Variants in DNAI4 observed in about 807,000 individuals in gnomAD.
DNAI4 encodes WD repeat domain 78.
DNAI4 carries 85 observed loss-of-function variants against 105.8 expected under a neutral mutation model. The observed-to-expected ratio is 0.80, with a 90% CI of 0.67 to 0.96. The LOEUF (loss-of-function observed/expected upper bound fraction) is 0.96. Ranked by LOEUF, DNAI4 falls within the 40% of genes least tolerant of loss-of-function variation. The pLI is 0.00. For missense variants in DNAI4, 1,014 were observed against 1,005.6 expected (o/e 1.01, Z -0.11); for synonymous variants, 352 against 331.5 (o/e 1.06, Z -0.67).
intron 4 of DNAI4, among the ~76,000 whole-genome samples, chr1:66,889,586 C>A (rs1312487462): frequency 1.3e-5 from 2 of 152,100 alleles, no homozygotes; most frequent in Non-Finnish European, 2.9e-5. Flanking sequence ...CCTGTTACAT[C>A]CCCCAACATC....
Position 66,891,264 on chromosome 1 carries a change from G to A in DNAI4, c.533C>T (p.Ser178Leu). Residue 178 changes from serine to leucine, a missense_variant and splice_region_variant, in exon 4 of 17, where the codon TCA becomes TTA. By Grantham distance (145) the Ser-to-Leu change is moderately radical. Transcript: ENST00000371026. Reference protein sequence around the residue: ...NPSTLGQFTRSVLGSSTVSKS... With the variant: ...NPSTLGQFTRLVLGSSTVSKS... The stretch of plus-strand genomic sequence containing the variant: ...AGAAACTGTACTGCTTCCTAAAACT[G>A]ACCTTTAATAATGAATAACAAAATT... The A allele has an allele frequency of 6.2e-7, 1 of 1,609,186 alleles. No individual in the cohort carries two copies. The highest frequency in any genetic ancestry group is 8.5e-7 in the Non-Finnish European group (1 of 1,176,536).
chr1:66,881,225 G>A (rs1213032246), intron 4 of DNAI4, among the ~76,000 whole-genome samples: 1 of 152,250 alleles, frequency 6.6e-6, no homozygotes, highest in African/African-American at 2.4e-5. Flanking sequence ...CCCCCACACA[G>A]AGTCCCTACT....
At chr1:66,859,646 A>G (rs996644839) in intron 7 of DNAI4, among the ~76,000 whole-genome samples, 2 of 152,206 alleles carry the variant, frequency 1.3e-5, no homozygotes, top group Non-Finnish European at 2.9e-5. Context: ...TAAGCCATGA[A>G]AAAACATAGA....
intron 15 of DNAI4, 47 bp from the exon 16 acceptor site, chr1:66,822,564 G>T: frequency 3.5e-6 from 5 of 1,419,392 alleles, no homozygotes; most frequent in Admixed American, 2.5e-5. Context: ...ATATTAATAT[G>T]GTCTTTTAAA....
At position 66,822,914 on chromosome 1, in the gene DNAI4, T is replaced by C. The variant is rs552126208; in HGVS notation, c.2340-397A>G. On this transcript the variant is annotated intron_variant, in intron 15 of 16. Coordinates refer to ENST00000371026, the MANE Select transcript of DNAI4 (RefSeq NM_024763.5). The stretch of plus-strand genomic sequence containing the variant: ...TTGTTTTTTTTGTTATTTATTTATT[T>C]ATTATTATTATATTTTAAGTTTTAG... 3.3e-5 allele frequency among the ~76,000 whole-genome samples: 5 copies of C among 152,140 alleles called. No homozygotes were observed. In the East Asian group the frequency reaches 9.6e-4, roughly 29 times the overall value.
At chr1:66,839,586 A>G (rs1037349267) in intron 9 of DNAI4, among the ~76,000 whole-genome samples, 1 of 152,230 alleles carries the variant, frequency 6.6e-6, no homozygotes, top group East Asian at 1.9e-4. Flanking sequence ...AAATATTTAT[A>G]TCAAAGATAC....
At chr1:66,884,321 T>C (rs545700408) in intron 4 of DNAI4, among the ~76,000 whole-genome samples, 10 of 152,340 alleles carry the variant, frequency 6.6e-5, no homozygotes, top group African/African-American at 2.4e-4. Flanking sequence ...ATTTCAAATC[T>C]TTTGGGTAAA....
chr1:66,896,047 T>C (rs1286353668), intron 2 of DNAI4, among the ~76,000 whole-genome samples: 1 of 152,212 alleles, frequency 6.6e-6, no homozygotes, highest in Non-Finnish European at 1.5e-5. Flanking sequence ...GGTTTTAATA[T>C]CAAGGTAATG....
At chr1:66,844,140 A>C (rs1007590260) in intron 8 of DNAI4, among the ~76,000 whole-genome samples, 7 of 151,496 alleles carry the variant, frequency 4.6e-5, no homozygotes, top group Non-Finnish European at 7.4e-5. Context: ...TTCATAAAAA[A>C]AATTAATTCA....
At chr1:66,820,927 T>C (rs1399755232) in intron 16 of DNAI4, among the ~76,000 whole-genome samples, 1 of 152,116 alleles carries the variant, frequency 6.6e-6, no homozygotes, top group African/African-American at 2.4e-5. Context: ...TTCCTTCTTG[T>C]TGGATATTTA....
At chr1:66,902,234 G>GT (rs35528389) in intron 2 of DNAI4, among the ~76,000 whole-genome samples, 11 of 151,706 alleles carry the variant, frequency 7.3e-5, no homozygotes, top group South Asian at 4.2e-4. Flanking sequence ...ATTTTGTTTT[G>GT]TTTTTTTTAA....
chr1:66,823,369 G>A (rs370645429), intron 15 of DNAI4, among the ~76,000 whole-genome samples: 5 of 152,010 alleles, frequency 3.3e-5, no homozygotes, highest in African/African-American at 9.7e-5. Flanking sequence ...CAATAAACAT[G>A]CGTGTGCATG....
At chr1:66,908,124 C>T (rs1290528158) in intron 1 of DNAI4, among the ~76,000 whole-genome samples, 1 of 152,188 alleles carries the variant, frequency 6.6e-6, no homozygotes, top group East Asian at 1.9e-4. Context: ...TTCCAATTAT[C>T]CTCTTACTTT....
At chr1:66,818,062 C>G (rs903279433) in intron 16 of DNAI4, among the ~76,000 whole-genome samples, 10 of 151,910 alleles carry the variant, frequency 6.6e-5, no homozygotes, top group African/African-American at 2.4e-4. Flanking sequence ...AAACAGATAA[C>G]TTTAGTATTT....
intron 6 of DNAI4, among the ~76,000 whole-genome samples, chr1:66,869,666 G>A (rs1038667072): frequency 6.6e-6 from 1 of 152,130 alleles, no homozygotes; most frequent in Non-Finnish European, 1.5e-5. Context: ...GAATAAAACA[G>A]AGATCAAAAT....
At chr1:66,825,775 T>C (rs1196178299) in intron 15 of DNAI4, among the ~76,000 whole-genome samples, 1 of 152,204 alleles carries the variant, frequency 6.6e-6, no homozygotes, top group African/African-American at 2.4e-5. Context: ...TCATACTGTT[T>C]TGTAAAACAA....
At chr1:66,833,768 T>G in intron 12 of DNAI4, 62 bp from the exon 13 acceptor site, 1 of 1,564,832 alleles carries the variant, frequency 6.4e-7, no homozygotes, top group Non-Finnish European at 8.7e-7. Flanking sequence ...ACCGCAAATA[T>G]CATGTGTGTT....
chr1:66,893,063 G>GAGAGAGAGAGAA (rs879150798), intron 3 of DNAI4, among the ~76,000 whole-genome samples, 166 bp downstream of exon 3: 11 of 89,548 alleles, frequency 1.2e-4, no homozygotes, highest in African/African-American at 4.9e-4. Flanking sequence ...AAGAGAGAGA[G>GAGAGAGAGAGAA]AGAAAGAAAG....
rs780766039 is a variant in DNAI4, at chr1:66,834,001, T to C, written c.1881A>G (p.Leu627=). The C allele has an allele frequency of 2.5e-6, 4 of 1,600,594 alleles. No individual in the cohort carries two copies. In the East Asian group the frequency reaches 6.7e-5, roughly 27 times the overall value. The stretch of plus-strand genomic sequence containing the variant: ...TGATTTTTCTTTTACCATAACAGTC[T>C]AGTCCTTTTCGTATAACCCATTTGG... ...RISKWVIRKG[L]DCYDLMRLKR... is the part of the protein sequence containing the mutation. Residue 627 remains leucine (L), a synonymous_variant, in exon 12 of 17, where the codon CTA becomes CTG. Coordinates refer to ENST00000371026, the MANE Select transcript of DNAI4 (RefSeq NM_024763.5).
Sources: gnomAD v4.1 joint callset for allele counts (sites outside exome capture counted in the v4.1 genomes callset) on GRCh38, gnomAD v4.1.1 for gene constraint, MANE v1.5 for transcripts, NCBI Gene and HGNC (gene_info 2026-07-23, HGNC 2026-07-21) for gene names.